Variants in OTOG observed in about 807,000 individuals in gnomAD.
The protein encoded by OTOG is otogelin.
In OTOG, 296 loss-of-function variants were observed where a neutral mutation model predicts 313.8. That is an observed-to-expected ratio of 0.94 (90% CI 0.86 to 1.04). The LOEUF (loss-of-function observed/expected upper bound fraction) is 1.04. OTOG is among the 50% of genes least tolerant of loss of function. OTOG has a pLI of 0.00. For missense variants in OTOG, 3,948 were observed against 3,840.1 expected, an observed-to-expected ratio of 1.03 and a Z score of -0.74; for synonymous variants, 1,533 against 1,554.9, an observed-to-expected ratio of 0.99 and a Z score of 0.33.
chr11:17,614,874 G>T (rs947087033), intron 39 of OTOG, among the ~76,000 whole-genome samples: 2 of 152,194 alleles, frequency 1.3e-5, no homozygotes, highest in African/African-American at 4.8e-5. Context: ...GTTTTGTGTA[G>T]ATAAAGCCCC....
rs752786692 is a variant in OTOG, at chr11:17,612,255, C to T, written c.6217C>T (p.Pro2073Ser). 160 of 1,546,862 alleles carry T rather than the reference C, an allele frequency of 1.0e-4. No individual in the cohort carries two copies. The highest frequency in any genetic ancestry group is 1.4e-4 in the Non-Finnish European group (156 of 1,146,950). ...QSQHCPQGAA[P>S]PRCGILGLAV... ...CCAGCACTGTCCCCAGGGTGCTGCTCCCCCTCGCTGTGGGATCCTGGGCCT... is the reference window on the plus strand; with the variant it reads ...CCAGCACTGTCCCCAGGGTGCTGCTTCCCCTCGCTGTGGGATCCTGGGCCT... Residue 2073 changes from proline to serine, a missense_variant, in exon 37 of 56, where the codon CCC becomes TCC. Transcript: ENST00000399397.
At chr11:17,612,565 G>T (rs540494162) in intron 37 of OTOG, 55 bp from the exon 38 acceptor site, 1 of 1,508,582 alleles carries the variant, frequency 6.6e-7, no homozygotes. Context: ...CTTCCTAGGC[G>T]GCCTTGGTCT....
intron 3 of OTOG, among the ~76,000 whole-genome samples, chr11:17,549,001 G>T (rs958697604): frequency 6.6e-6 from 1 of 152,168 alleles, no homozygotes; most frequent in African/African-American, 2.4e-5. Context: ...TTAGGCATGA[G>T]CCACTGAGCC....
At chr11:17,622,221 C>T (rs926152234) in intron 39 of OTOG, among the ~76,000 whole-genome samples, 2 of 152,046 alleles carry the variant, frequency 1.3e-5, no homozygotes, top group African/African-American at 4.8e-5. Flanking sequence ...ACAGTCTAAT[C>T]CTTTTTTAAT....
chr11:17,558,494 G>T, intron 9 of OTOG, 44 bp from the exon 10 acceptor site: 2 of 1,546,844 alleles, frequency 1.3e-6, no homozygotes, highest in Non-Finnish European at 8.7e-7. Context: ...GGCTGTGTGT[G>T]GCTTTGCCAG....
At chr11:17,578,818 T>C (rs1852599583) in intron 23 of OTOG, among the ~76,000 whole-genome samples, 1 of 152,092 alleles carries the variant, frequency 6.6e-6, no homozygotes, top group African/African-American at 2.4e-5. Context: ...GTGAGCTCAC[T>C]CAGTGGAAGC....
At chr11:17,626,502 A>G (rs1299741427) in intron 39 of OTOG, among the ~76,000 whole-genome samples, 1 of 152,194 alleles carries the variant, frequency 6.6e-6, no homozygotes, top group Non-Finnish European at 1.5e-5. Flanking sequence ...CGCCAGTACC[A>G]TGCTGCTTTG....
At chr11:17,589,914 A>G (rs373726391) in intron 24 of OTOG, among the ~76,000 whole-genome samples, 3 of 152,016 alleles carry the variant, frequency 2.0e-5, no homozygotes, top group African/African-American at 7.3e-5. Flanking sequence ...CCTTCTTGAT[A>G]CTTTCATTCA....
At chr11:17,580,961 G>A (rs1590017960) in intron 23 of OTOG, among the ~76,000 whole-genome samples, 1 of 152,048 alleles carries the variant, frequency 6.6e-6, no homozygotes, top group Non-Finnish European at 1.5e-5. Context: ...GGGGTAAAAA[G>A]GTATAAATCC....
intron 43 of OTOG, 38 bp downstream of exon 43, chr11:17,633,912 G>A: frequency 2.0e-6 from 3 of 1,497,790 alleles, no homozygotes; most frequent in East Asian, 2.5e-5. Context: ...GGCCTCCAAA[G>A]CCAGCCTCAG....
chr11:17,635,150 C>A lies in OTOG; in HGVS notation c.7656C>A (p.Gly2552=). 1.3e-6 allele frequency: 2 copies of A among 1,548,410 alleles called. No individual in the cohort carries two copies. The highest frequency in any genetic ancestry group is 1.7e-6 in the Non-Finnish European group (2 of 1,146,716). The change falls in exon 46 of 56, where the codon GGC becomes GGA. Residue 2552 remains glycine (G), a synonymous_variant. Coordinates refer to ENST00000399397, the MANE Select transcript of OTOG (RefSeq NM_001292063.2). The part of the protein sequence containing the change: ...SCRQDQILIT[G]RLGDSCCTSY... ...GACAGGACCAGATCCTGATCACGGG[C>A]CGCCTGGGGGACTCCTGCTGCACCT...
In OTOG at chr11:17,638,820, G is replaced by A. The variant is rs559932171; in HGVS notation, c.7894+271G>A. The A allele has an allele frequency of 2.2e-4, 311 of 1,419,906 alleles. 3 individuals are homozygous for A. In the South Asian group the frequency reaches 2.3e-3, roughly 10 times the overall value. 88.0% of individuals were successfully genotyped at this position (1,419,906 alleles called of 1,614,324 possible). A position where few individuals can be genotyped will look rare whatever the true frequency, so the allele number is the denominator to read the frequency against. ...GTCTTAAAAAGTCCTTACTGCGGCC[G>A]GGCACGGTGGCTCACACCTGTAATC... is the stretch of plus-strand genomic sequence containing the variant. On this transcript the variant is annotated intron_variant, in intron 48 of 55. Transcript: ENST00000399397.
chr11:17,577,903 C>G (rs1411439599), intron 22 of OTOG, among the ~76,000 whole-genome samples: 1 of 151,490 alleles, frequency 6.6e-6, no homozygotes, highest in Non-Finnish European at 1.5e-5. Flanking sequence ...GTAACAGGAC[C>G]GTGACTCTCC....
intron 47 of OTOG, among the ~76,000 whole-genome samples, chr11:17,637,002 C>G (rs1474168572): frequency 1.3e-5 from 2 of 152,194 alleles, no homozygotes; most frequent in South Asian, 2.1e-4. Context: ...TTGATATTAT[C>G]ACTTTCTCCC....
Position 17,611,285 on chromosome 11 carries a change from G to T in OTOG, c.5985G>T (p.Gly1995=). 6.4e-7 allele frequency: 1 copy of T among 1,550,556 alleles called. No individual in the cohort carries two copies. The highest frequency in any genetic ancestry group is 8.7e-7 in the Non-Finnish European group (1 of 1,147,004). ...QLAEAHGTSA[G]PHLAAEPVDE... is the part of the protein sequence containing the mutation. ...CTGAGGCCCATGGAACCTCGGCAGG[G>T]CCTCACCTGGCAGCAGAGCCGGTGG... Residue 1995 remains glycine, a synonymous_variant, in exon 36 of 56, where the codon GGG becomes GGT. Transcript: ENST00000399397.
At chr11:17,589,733 C>A (rs543760987) in intron 24 of OTOG, among the ~76,000 whole-genome samples, 1 of 152,202 alleles carries the variant, frequency 6.6e-6, no homozygotes, top group African/African-American at 2.4e-5. Flanking sequence ...TTCTCCCGTT[C>A]CCCTTTAAGC....
intron 23 of OTOG, among the ~76,000 whole-genome samples, chr11:17,581,352 T>C (rs1328160859): frequency 6.6e-6 from 1 of 152,116 alleles, no homozygotes; most frequent in Non-Finnish European, 1.5e-5. Flanking sequence ...GACTTTGGCC[T>C]TGTAGGCACC....
chr11:17,618,214 T>G (rs969552233), intron 39 of OTOG, among the ~76,000 whole-genome samples: 8 of 152,224 alleles, frequency 5.3e-5, no homozygotes, highest in Non-Finnish European at 1.0e-4. Context: ...TTTTCTAATA[T>G]AAGCATTTAG....
chr11:17,549,227 G>C (rs1432723673), intron 3 of OTOG, among the ~76,000 whole-genome samples: 1 of 152,148 alleles, frequency 6.6e-6, no homozygotes, highest in East Asian at 1.9e-4. Flanking sequence ...CTGCAGCTAG[G>C]TCCCCCAAAG....
Sources: allele counts gnomAD v4.1 joint callset (sites outside exome capture counted in the v4.1 genomes callset), GRCh38; gene constraint gnomAD v4.1.1; transcripts MANE v1.5; gene names NCBI Gene and HGNC (gene_info 2026-07-23, HGNC 2026-07-21).